Variants in LRCH1 observed in about 807,000 individuals in gnomAD.
LRCH1 encodes the protein leucine rich repeats and calponin homology domain containing 1.
In LRCH1, 23 loss-of-function variants were observed where a neutral mutation model predicts 94.9. That is an observed-to-expected ratio of 0.24 (90% CI 0.17 to 0.34). The LOEUF (loss-of-function observed/expected upper bound fraction) is 0.34, where lower values mean the gene tolerates loss of function less well. Among genes scored for constraint, LRCH1 ranks in the 10% least tolerant of loss-of-function variants. The pLI is 1.00. For synonymous variants in LRCH1, 364 were observed against 354.9 expected (o/e 1.03, Z -0.29); for missense variants, 790 against 945.9 (o/e 0.84, Z 2.16).
At chr13:46,621,727 A>G (rs1015558703) in intron 1 of LRCH1, among the ~76,000 whole-genome samples, 3 of 152,238 alleles carry the variant, frequency 2.0e-5, no homozygotes, top group African/African-American at 7.2e-5. Context: ...GATATTATAC[A>G]ATTATATAAA....
intron 1 of LRCH1, among the ~76,000 whole-genome samples, chr13:46,567,935 G>C (rs1174369490): frequency 2.0e-5 from 3 of 152,186 alleles, no homozygotes; most frequent in Non-Finnish European, 4.4e-5. Context: ...GTATAACTCA[G>C]CTAAGTCCTT....
At chr13:46,678,654 G>T (rs61948271) in intron 3 of LRCH1, among the ~76,000 whole-genome samples, 18,723 of 152,118 alleles carry the variant, frequency 0.12, 1,281 homozygotes, top group Non-Finnish European at 0.14. Flanking sequence ...TATCGTTACA[G>T]GAAGTTTTTT....
At chr13:46,714,435 A>C (rs557105770) in intron 15 of LRCH1, among the ~76,000 whole-genome samples, 5 of 152,336 alleles carry the variant, frequency 3.3e-5, no homozygotes, top group South Asian at 4.1e-4. Context: ...ACTGGAAAGC[A>C]TATAGTTTTA....
At chr13:46,624,960 C>T (rs1020847887) in intron 1 of LRCH1, among the ~76,000 whole-genome samples, 1 of 152,170 alleles carries the variant, frequency 6.6e-6, no homozygotes, top group Non-Finnish European at 1.5e-5. Context: ...TATTTAAAAA[C>T]CTTCAGTAGC....
exon 19 of LRCH1, chr13:46,751,804 C>T (rs887811356): frequency 1.3e-5 from 2 of 152,168 alleles, no homozygotes; most frequent in Non-Finnish European, 2.9e-5. Flanking sequence ...GACTGAGTAT[C>T]AGAAATTACT....
chr13:46,553,227 T>TA lies in LRCH1; in HGVS notation c.-170_-169insA. 20 of 414,372 alleles carry TA rather than the reference T, an allele frequency of 4.8e-5. No homozygotes were observed. Among genetic ancestry groups the TA allele is most frequent in the East Asian group, 2.8e-4 (5 of 17,580 alleles). 25.7% of individuals were successfully genotyped at this position (414,372 alleles called of 1,614,324 possible). A position where few individuals can be genotyped will look rare whatever the true frequency, so the allele number is the denominator to read the frequency against. Reference sequence around the variant, plus strand: ...TCAAGACCGAGCTGCCACGGCCGCCTCCCCGCCCGCCCCCCATTCTACGCG... The same window carrying TA: ...TCAAGACCGAGCTGCCACGGCCGCCTACCCCGCCCGCCCCCCATTCTACGCG... On this transcript the variant is annotated 5_prime_UTR_variant, in exon 1 of 20. Coordinates refer to ENST00000389797, the MANE Select transcript of LRCH1 (RefSeq NM_001164211.2).
At chr13:46,721,221 T>C (rs1171020109) in intron 16 of LRCH1, among the ~76,000 whole-genome samples, 3 of 152,196 alleles carry the variant, frequency 2.0e-5, no homozygotes, top group African/African-American at 7.2e-5. Flanking sequence ...GATTGAAATC[T>C]GCCAATAAAA....
chr13:46,725,604 A>G (rs993732113), intron 17 of LRCH1, among the ~76,000 whole-genome samples: 3 of 152,232 alleles, frequency 2.0e-5, no homozygotes, highest in Admixed American at 1.3e-4. Context: ...AGTGAGCCCT[A>G]TAAACAAAAT....
chr13:46,597,374 T>A (rs1244983312), intron 1 of LRCH1, among the ~76,000 whole-genome samples: 1 of 151,996 alleles, frequency 6.6e-6, no homozygotes, highest in Admixed American at 6.6e-5. Context: ...TTTTTTTTTT[T>A]AGATGGAGTC....
At chr13:46,697,591 T>C (rs1007600533) in intron 9 of LRCH1, among the ~76,000 whole-genome samples, 1 of 152,138 alleles carries the variant, frequency 6.6e-6, no homozygotes, top group Non-Finnish European at 1.5e-5. Context: ...CTAACTAGAC[T>C]GTGAAAAAGG....
chr13:46,617,266 AGT>A (rs145024436), intron 1 of LRCH1, among the ~76,000 whole-genome samples: 1,628 of 152,274 alleles, frequency 0.011, 43 homozygotes, highest in East Asian at 0.082. Flanking sequence ...GGAGCAGAGG[AGT>A]GTGAGTTAGA....
intron 14 of LRCH1, among the ~76,000 whole-genome samples, chr13:46,712,127 T>C (rs1488452586): frequency 2.0e-5 from 3 of 152,226 alleles, no homozygotes; most frequent in Admixed American, 2.0e-4. Flanking sequence ...TGTCTTGTTC[T>C]CCATAAATGA....
At position 46,701,161 on chromosome 13, in the gene LRCH1, A is replaced by G; in HGVS notation, c.1354A>G (p.Ile452Val). Residue 452 changes from isoleucine to valine, a missense_variant, in exon 11 of 20, where the codon ATC (isoleucine) becomes GTC (valine). Physicochemically the swap from Ile to Val is conservative, Grantham distance 29 (BLOSUM62 3). Coordinates refer to ENST00000389797, the MANE Select transcript of LRCH1 (RefSeq NM_001164211.2). The stretch of plus-strand genomic sequence containing the variant: ...AGATCAGGACATGGATATAGCAATG[A>G]TCGAGCAGCTGAGAGAAGCAGTAGA... ...SKDQDMDIAM[I>V]EQLREAVDLL... 5 of 1,613,922 alleles carry G rather than the reference A, an allele frequency of 3.1e-6. No homozygotes were observed. The highest frequency in any genetic ancestry group is 4.2e-6 in the Non-Finnish European group (5 of 1,179,812).
At chr13:46,651,829 T>C (rs61688025) in intron 2 of LRCH1, among the ~76,000 whole-genome samples, 3,564 of 149,456 alleles carry the variant, frequency 0.024, 144 homozygotes, top group African/African-American at 0.082. Flanking sequence ...GCCTCCCAAG[T>C]AGCTGGGACT....
intron 4 of LRCH1, among the ~76,000 whole-genome samples, chr13:46,682,501 G>A (rs1410335560): frequency 6.6e-6 from 1 of 152,210 alleles, no homozygotes; most frequent in Non-Finnish European, 1.5e-5. Context: ...GGGGTGACAT[G>A]AATTGTTTTG....
intron 3 of LRCH1, among the ~76,000 whole-genome samples, chr13:46,673,684 T>A (rs2051631363): frequency 6.6e-6 from 1 of 152,202 alleles, no homozygotes; most frequent in Admixed American, 6.5e-5. Context: ...CATTGTTTGT[T>A]AACTATTTTA....
At chr13:46,712,736 G>A in intron 15 of LRCH1, 139 bp downstream of exon 15, 2 of 718,764 alleles carry the variant, frequency 2.8e-6, no homozygotes, top group South Asian at 3.6e-5. Context: ...GCTAGGGGAG[G>A]CCAGAGTTTG....
In LRCH1 at chr13:46,715,132, T is replaced by C. The variant is rs534544799; in HGVS notation, c.1655-428T>C. Among the ~76,000 whole-genome samples the C allele has an allele frequency of 3.9e-4, 60 of 152,360 alleles. 1 individual carries two copies. The highest frequency in any genetic ancestry group is 1.4e-3 in the African/African-American group (58 of 41,588). ...TATTTACGCATATTAAGTTTTATTC[T>C]ATGTCACCAATTTTTTTGTGTGTGA... is the stretch of plus-strand genomic sequence containing the variant. On this transcript the variant is annotated intron_variant, in intron 15 of 19. Transcript: ENST00000389797.
chr13:46,637,668 T>C (rs190703756), intron 1 of LRCH1, among the ~76,000 whole-genome samples: 2 of 152,178 alleles, frequency 1.3e-5, no homozygotes, highest in Admixed American at 1.3e-4. Context: ...AATTCTTCCC[T>C]GGTCACCCTG....
Sources: allele counts gnomAD v4.1 joint callset (sites outside exome capture counted in the v4.1 genomes callset), GRCh38; gene constraint gnomAD v4.1.1; transcripts MANE v1.5; gene names NCBI Gene and HGNC (gene_info 2026-07-23, HGNC 2026-07-21).